The following JPH3 variants were observed in gnomAD, a reference collection of about 807,000 sequenced individuals.
The protein encoded by JPH3 is junctophilin-3.
In JPH3, 11 loss-of-function variants were observed where a neutral mutation model predicts 59.6. The ratio of observed to expected loss-of-function variants is 0.18; its 90% CI spans 0.12 to 0.31. JPH3 has a LOEUF of 0.31. Ranked by LOEUF, JPH3 falls within the 10% of genes least tolerant of loss-of-function variation. The pLI is 1.00. For synonymous variants in JPH3, 673 were observed against 483.6 expected, an observed-to-expected ratio of 1.39 and a Z score of -5.14; for missense variants, 1,202 against 1,105.7, an observed-to-expected ratio of 1.09 and a Z score of -1.24.
intron 2 of JPH3, among the ~76,000 whole-genome samples, chr16:87,657,871 C>T (rs1301552631): frequency 6.6e-6 from 1 of 152,204 alleles, no homozygotes; most frequent in Non-Finnish European, 1.5e-5. Flanking sequence ...AGTCTGGGGG[C>T]ATGTGCCTGG....
intron 1 of JPH3, among the ~76,000 whole-genome samples, chr16:87,609,441 G>A (rs1260482141): frequency 1.3e-5 from 2 of 151,978 alleles, no homozygotes; most frequent in Admixed American, 1.3e-4. Context: ...TAATGTTTTG[G>A]GTTTTAGTAG....
chr16:87,658,000 C>T (rs551911719), intron 2 of JPH3, among the ~76,000 whole-genome samples: 5 of 152,326 alleles, frequency 3.3e-5, no homozygotes, highest in East Asian at 3.9e-4. Context: ...AATGTCCCCT[C>T]TGCAGCAAAG....
intron 1 of JPH3, among the ~76,000 whole-genome samples, chr16:87,627,486 A>G (rs571968754): frequency 1.3e-5 from 2 of 152,294 alleles, no homozygotes; most frequent in African/African-American, 2.4e-5. Context: ...GTTGTCTAAC[A>G]TGCTTTGTAA....
intron 1 of JPH3, among the ~76,000 whole-genome samples, chr16:87,621,963 T>C (rs1377340742): frequency 6.6e-6 from 1 of 152,148 alleles, no homozygotes; most frequent in African/African-American, 2.4e-5. Context: ...TTGGTGATCG[T>C]GGGTGGCACA....
In JPH3 at chr16:87,644,735, C is replaced by G; in HGVS notation, c.860C>G (p.Thr287Ser). Reference sequence around the variant, plus strand: ...GACATCGACGCCACCACCACCGAGACCTACGTGGGCGAGTGGAAGAACGAC... The same window carrying G: ...GACATCGACGCCACCACCACCGAGAGCTACGTGGGCGAGTGGAAGAACGAC... ...EDDIDATTTE[T>S]YVGEWKNDKR... The change falls in exon 2 of 5, where the codon ACC (threonine) becomes AGC (serine). Residue 287 changes from threonine to serine, a missense_variant. Physicochemically the swap from Thr to Ser is moderately conservative, Grantham distance 58 (BLOSUM62 1). Coordinates refer to ENST00000284262, the MANE Select transcript of JPH3 (RefSeq NM_020655.4). 6.2e-7 allele frequency: 1 copy of G among 1,612,972 alleles called. No individual in the cohort carries two copies. Among genetic ancestry groups the G allele is most frequent in the Non-Finnish European group, 8.5e-7 (1 of 1,179,914 alleles).
chr16:87,685,332 T>G (rs776187595), intron 3 of JPH3, among the ~76,000 whole-genome samples: 15 of 152,260 alleles, frequency 9.9e-5, no homozygotes, highest in Middle Eastern at 3.4e-3. Context: ...TTCCACTGCG[T>G]CCCCTCCACT....
intron 1 of JPH3, among the ~76,000 whole-genome samples, chr16:87,632,086 C>T (rs1219060652): frequency 6.6e-6 from 1 of 152,070 alleles, no homozygotes; most frequent in Non-Finnish European, 1.5e-5. Context: ...AAGTGAGGTA[C>T]GAAAAAGCTG....
At chr16:87,605,415 C>G (rs1010507247) in intron 1 of JPH3, among the ~76,000 whole-genome samples, 73 of 152,258 alleles carry the variant, frequency 4.8e-4, no homozygotes, top group African/African-American at 1.7e-3. Flanking sequence ...AGCAGACAGC[C>G]AGGTGTCCTA....
intron 4 of JPH3, among the ~76,000 whole-genome samples, chr16:87,691,093 C>G (rs141384360): frequency 5.3e-5 from 8 of 150,682 alleles, no homozygotes; most frequent in South Asian, 2.1e-4. Context: ...AGCACCCCCC[C>G]CCCAAATTCG....
At chr16:87,647,609 C>T (rs1194167077) in intron 2 of JPH3, among the ~76,000 whole-genome samples, 3 of 152,176 alleles carry the variant, frequency 2.0e-5, no homozygotes, top group Non-Finnish European at 4.4e-5. Context: ...TTCCTGCTTC[C>T]GCATGCGCAC....
At chr16:87,603,973 C>T (rs1478587547) in intron 1 of JPH3, 7 of 614,622 alleles carry the variant, frequency 1.1e-5, no homozygotes. Context: ...TCCTGCGGCG[C>T]CCGAGGGCCT....
chr16:87,626,555 A>G (rs979875400), intron 1 of JPH3, among the ~76,000 whole-genome samples: 3 of 152,172 alleles, frequency 2.0e-5, no homozygotes, highest in Non-Finnish European at 4.4e-5. Context: ...TCATAGCTAC[A>G]CATGCCCATG....
chr16:87,651,278 A>T (rs1426171243), intron 2 of JPH3, among the ~76,000 whole-genome samples: 3 of 152,172 alleles, frequency 2.0e-5, no homozygotes, highest in African/African-American at 7.2e-5. Flanking sequence ...GCCCATGGAG[A>T]TGTACAGGAA....
chr16:87,645,080 G>A (rs376169987), intron 2 of JPH3, 45 bp downstream of exon 2: 129 of 1,555,638 alleles, frequency 8.3e-5, no homozygotes, highest in Middle Eastern at 2.2e-4. Flanking sequence ...TGCCCAGAAG[G>A]TGTTTGTGAG....
chr16:87,691,711 T>TGTCC (rs1321087986), intron 4 of JPH3, among the ~76,000 whole-genome samples: 1 of 152,178 alleles, frequency 6.6e-6, no homozygotes, highest in Non-Finnish European at 1.5e-5. Flanking sequence ...GACGTCTGTC[T>TGTCC]GTCCTGTTGG....
chr16:87,686,177 C>T (rs1024852119), intron 3 of JPH3, among the ~76,000 whole-genome samples: 3 of 152,218 alleles, frequency 2.0e-5, no homozygotes, highest in Non-Finnish European at 4.4e-5. Flanking sequence ...TCTACCCCCA[C>T]CCCCGCGTGG....
intron 1 of JPH3, among the ~76,000 whole-genome samples, chr16:87,642,564 G>A (rs1415214241): frequency 1.3e-5 from 2 of 152,246 alleles, no homozygotes; most frequent in South Asian, 4.1e-4. Context: ...CCTCTGGTCT[G>A]CAGCCTGTGC....
intron 2 of JPH3, among the ~76,000 whole-genome samples, chr16:87,667,173 C>T (rs2032890907): frequency 6.6e-6 from 1 of 152,198 alleles, no homozygotes; most frequent in African/African-American, 2.4e-5. Flanking sequence ...GTGGCCTCTC[C>T]TTCTCTGTCT....
At chr16:87,650,491 T>A (rs1376522351) in intron 2 of JPH3, among the ~76,000 whole-genome samples, 2 of 152,198 alleles carry the variant, frequency 1.3e-5, no homozygotes, top group Non-Finnish European at 2.9e-5. Context: ...CTCACATCTC[T>A]CACTTTAAAT....
Sources: allele counts gnomAD v4.1 joint callset (sites outside exome capture counted in the v4.1 genomes callset), GRCh38; gene constraint gnomAD v4.1.1; transcripts MANE v1.5; gene names NCBI Gene and HGNC (gene_info 2026-07-23, HGNC 2026-07-21).